The following PCDH7 variants were observed in gnomAD, a reference collection of about 807,000 sequenced individuals.
PCDH7 encodes the protein protocadherin 7.
PCDH7 carries 17 observed loss-of-function variants against 58.9 expected under a neutral mutation model. That is an observed-to-expected ratio of 0.29 (90% CI 0.20 to 0.43). The LOEUF (loss-of-function observed/expected upper bound fraction) is 0.43. PCDH7 is among the 20% of genes least tolerant of loss of function. The pLI is 1.00. For missense variants in PCDH7, 1,274 were observed against 1,441.0 expected, an observed-to-expected ratio of 0.88 and a Z score of 1.88; for synonymous variants, 664 against 616.4, an observed-to-expected ratio of 1.08 and a Z score of -1.14.
chr4:30,803,119 A>G (rs888474994), intron 1 of PCDH7, among the ~76,000 whole-genome samples: 1 of 152,164 alleles, frequency 6.6e-6, no homozygotes, highest in Admixed American at 6.5e-5. Flanking sequence ...GAAGCCATGG[A>G]GGTCATTAGC....
intron 3 of PCDH7, among the ~76,000 whole-genome samples, chr4:31,110,499 A>C (rs1186561512): frequency 1.3e-5 from 2 of 152,228 alleles, no homozygotes; most frequent in Middle Eastern, 3.2e-3. Flanking sequence ...TTTGCTAATA[A>C]AACTGAAAAC....
In PCDH7 at chr4:30,817,511, T is replaced by C. The variant is rs1018366235; in HGVS notation, c.70+92915T>C. ...TGTTCTAAAAATGTCAATAAATAAGTAGGTGTGAAATATATACATAAGAAT... is the reference window on the plus strand; with the variant it reads ...TGTTCTAAAAATGTCAATAAATAAGCAGGTGTGAAATATATACATAAGAAT... On this transcript the variant is annotated intron_variant, in intron 1 of 3. Transcript: ENST00000509759. Among the ~76,000 whole-genome samples the C allele has an allele frequency of 2.6e-5, 4 of 152,332 alleles. No homozygotes were observed. The South Asian group carries it at 6.2e-4, about 24-fold the overall frequency.
Position 30,821,290 on chromosome 4 carries a change from T to G in PCDH7, c.70+96694T>G, listed in dbSNP as rs577493453. ...TCACCTAAAGTGTTGTTCTCCACAT[T>G]GTCAGCCAAGCGATGGGTCAGATAA... On this transcript the variant is annotated intron_variant, in intron 1 of 3. Coordinates refer to the PCDH7 transcript ENST00000509759. Among the ~76,000 whole-genome samples, 10 of 152,318 alleles carry G rather than the reference T, an allele frequency of 6.6e-5. No individual in the cohort carries two copies. In the South Asian group the frequency reaches 1.9e-3, roughly 28 times the overall value.
At chr4:31,004,829 C>T (rs998887819) in intron 3 of PCDH7, among the ~76,000 whole-genome samples, 3 of 151,956 alleles carry the variant, frequency 2.0e-5, no homozygotes, top group African/African-American at 7.3e-5. Flanking sequence ...AAAACAGAAG[C>T]ACAGAGTGAT....
chr4:31,028,280 T>A (rs1178536878), intron 3 of PCDH7, among the ~76,000 whole-genome samples: 1 of 152,142 alleles, frequency 6.6e-6, no homozygotes, highest in East Asian at 1.9e-4. Context: ...AATCCCTGGG[T>A]TTTTTTGTTT....
At chr4:30,939,855 C>A (rs1367970973) in intron 2 of PCDH7, among the ~76,000 whole-genome samples, 2 of 152,028 alleles carry the variant, frequency 1.3e-5, no homozygotes, top group Non-Finnish European at 2.9e-5. Context: ...TTAAAATAAG[C>A]ATTTATTACA....
intron 3 of PCDH7, among the ~76,000 whole-genome samples, chr4:31,083,900 G>A (rs140792394): frequency 6.6e-6 from 1 of 152,160 alleles, no homozygotes; most frequent in Non-Finnish European, 1.5e-5. Flanking sequence ...AATAGGAAAT[G>A]CTTAATATCA....
chr4:30,886,154 G>A (rs1343910198), intron 1 of PCDH7, among the ~76,000 whole-genome samples: 1 of 150,710 alleles, frequency 6.6e-6, no homozygotes. Context: ...CTTCTGCACA[G>A]CAAAAGAAAC....
At chr4:30,773,486 AT>A (rs540116231) in intron 1 of PCDH7, among the ~76,000 whole-genome samples, 371 of 148,008 alleles carry the variant, frequency 2.5e-3, no homozygotes, top group South Asian at 6.5e-3. Context: ...TAAACCTTCT[AT>A]TTTTTTTTTC....
At chr4:30,897,086 A>C (rs1410663438) in intron 1 of PCDH7, among the ~76,000 whole-genome samples, 1 of 151,014 alleles carries the variant, frequency 6.6e-6, no homozygotes, top group Non-Finnish European at 1.5e-5. Flanking sequence ...TTGTATTTTT[A>C]GTAGACACAC....
At chr4:30,783,508 T>C (rs184008607) in intron 1 of PCDH7, among the ~76,000 whole-genome samples, 278 of 152,344 alleles carry the variant, frequency 1.8e-3, no homozygotes, top group Non-Finnish European at 2.5e-3. Context: ...TCTACACCAA[T>C]TACATAGTGC....
intron 1 of PCDH7, among the ~76,000 whole-genome samples, chr4:30,811,670 A>G (rs899334644): frequency 1.3e-5 from 2 of 152,210 alleles, no homozygotes; most frequent in Non-Finnish European, 2.9e-5. Flanking sequence ...AGGACCTTTT[A>G]GGAAAAATGA....
intron 3 of PCDH7, among the ~76,000 whole-genome samples, chr4:31,037,365 G>A (rs1384245450): frequency 2.0e-5 from 3 of 152,120 alleles, no homozygotes. Flanking sequence ...TAGTTAAGCA[G>A]CGATTACTTG....
intron 3 of PCDH7, among the ~76,000 whole-genome samples, chr4:30,963,014 G>C (rs1320620055): frequency 6.6e-6 from 1 of 152,130 alleles, no homozygotes; most frequent in African/African-American, 2.4e-5. Context: ...ATCAGAGGAA[G>C]TGTGGGAGGT....
chr4:30,937,518 A>G (rs1174973507), intron 2 of PCDH7, among the ~76,000 whole-genome samples: 15 of 152,094 alleles, frequency 9.9e-5, no homozygotes, highest in African/African-American at 3.6e-4. Flanking sequence ...AAATTATTGA[A>G]CTTGCTCAAA....
intron 1 of PCDH7, among the ~76,000 whole-genome samples, chr4:30,775,166 G>A (rs1260224987): frequency 6.6e-6 from 1 of 152,148 alleles, no homozygotes; most frequent in Non-Finnish European, 1.5e-5. Context: ...CTGTTAAAGT[G>A]CCGAGAGAGA....
intron 3 of PCDH7, among the ~76,000 whole-genome samples, chr4:31,076,698 T>C (rs1351466319): frequency 6.6e-6 from 1 of 152,174 alleles, no homozygotes; most frequent in African/African-American, 2.4e-5. Flanking sequence ...AGTAATATTA[T>C]AGCAATTATT....
chr4:31,109,293 A>C (rs539420615), intron 3 of PCDH7, among the ~76,000 whole-genome samples: 1 of 152,362 alleles, frequency 6.6e-6, no homozygotes, highest in East Asian at 1.9e-4. Context: ...CATTTTAGCA[A>C]TCTACCATGA....
At chr4:30,839,607 G>A (rs952668030) in intron 1 of PCDH7, among the ~76,000 whole-genome samples, 1 of 152,044 alleles carries the variant, frequency 6.6e-6, no homozygotes, top group Non-Finnish European at 1.5e-5. Flanking sequence ...GTCACTCTAT[G>A]TCATTAGGAC....
Sources: gnomAD v4.1 joint callset for allele counts (sites outside exome capture counted in the v4.1 genomes callset) on GRCh38, gnomAD v4.1.1 for gene constraint, MANE v1.5 for transcripts, NCBI Gene and HGNC (gene_info 2026-07-23, HGNC 2026-07-21) for gene names.